The following IRAG2 variants were observed in gnomAD, a reference collection of about 807,000 sequenced individuals.
The protein encoded by IRAG2 is inositol 1,4,5-triphosphate receptor associated 2, also known as lymphoid restricted membrane protein.
In IRAG2, 45 loss-of-function variants were observed where a neutral mutation model predicts 69.9. The observed-to-expected ratio is 0.64, with a 90% CI of 0.51 to 0.83. The LOEUF is 0.83. Among genes scored for constraint, IRAG2 ranks in the 40% least tolerant of loss-of-function variants. The pLI is 0.00. For synonymous variants in IRAG2, 193 were observed against 202.4 expected (o/e 0.95, Z 0.40); for missense variants, 520 against 587.0 (o/e 0.89, Z 1.18).
exon 2 of IRAG2, chr12:25,005,336 T>C: frequency 8.2e-7 from 1 of 1,226,228 alleles, no homozygotes; most frequent in Non-Finnish European, 1.0e-6. Context: ...TTTTAATGCA[T>C]GTGACATCAA....
intron 16 of IRAG2, among the ~76,000 whole-genome samples, chr12:25,044,087 A>T (rs1944772193): frequency 6.6e-6 from 1 of 152,152 alleles, no homozygotes; most frequent in African/African-American, 2.4e-5. Context: ...ATAACTATAA[A>T]AATGTTTATG....
At position 25,068,331 on chromosome 12, in the gene IRAG2, T is replaced by C. The variant is rs147653492; in HGVS notation, c.-58-1019T>C. ...AGATGAAGAGATACATCGGAAAGGT[T>C]TGGAAATGTCTCGAGCACAGGAGGG... is the stretch of plus-strand genomic sequence containing the variant. On this transcript the variant is annotated intron_variant, in intron 5 of 21. Coordinates refer to ENST00000556887, the MANE Select transcript of IRAG2 (RefSeq NM_001366544.2). Among the ~76,000 whole-genome samples the C allele has an allele frequency of 4.3e-3, 654 of 152,276 alleles. 3 individuals are homozygous for C. Among genetic ancestry groups the C allele is most frequent in the African/African-American group, 0.015 (627 of 41,556 alleles).
At chr12:25,009,384 A>G (rs1944457122) in intron 2 of IRAG2, among the ~76,000 whole-genome samples, 1 of 152,190 alleles carries the variant, frequency 6.6e-6, no homozygotes, top group African/African-American at 2.4e-5. Context: ...ATTTGCATGT[A>G]CCCTTATTTA....
chr12:25,018,110 T>C (rs182524557), intron 6 of IRAG2, among the ~76,000 whole-genome samples: 1 of 152,260 alleles, frequency 6.6e-6, no homozygotes, highest in Middle Eastern at 3.4e-3. Context: ...ATTTGGAGTG[T>C]TTCCACTCTT....
intron 2 of IRAG2, among the ~76,000 whole-genome samples, chr12:25,005,628 T>C (rs1200739845): frequency 1.3e-5 from 2 of 152,260 alleles, no homozygotes; most frequent in African/African-American, 4.8e-5. Context: ...CTTTATTTAT[T>C]GAAACTACTT....
At chr12:25,048,212 ATGT>A (rs1944812837), upstream of IRAG2, among the ~76,000 whole-genome samples, 1 of 152,090 alleles carries the variant, frequency 6.6e-6, no homozygotes, top group South Asian at 2.1e-4. Flanking sequence ...ATGATCAGTG[ATGT>A]TGAGCTTTTT....
exon 3 of IRAG2, chr12:25,011,409 C>G: frequency 8.1e-7 from 1 of 1,231,634 alleles, no homozygotes; most frequent in South Asian, 4.1e-5. Context: ...TTTCCTGAGA[C>G]AAACAACTAG....
chr12:25,047,629 G>A (rs1036489316), upstream of IRAG2, among the ~76,000 whole-genome samples: 15 of 151,946 alleles, frequency 9.9e-5, no homozygotes, highest in Non-Finnish European at 1.6e-4. Flanking sequence ...CTGCTTGACA[G>A]GCTTCCAGTG....
chr12:25,045,632 A>G (rs1944786628), intron 16 of IRAG2, among the ~76,000 whole-genome samples: 1 of 151,976 alleles, frequency 6.6e-6, no homozygotes, highest in South Asian at 2.1e-4. Context: ...AGAAATGGAA[A>G]AATTCCCAGA....
At chr12:24,998,639 A>G in the IRAG2 span, among the ~76,000 whole-genome samples, 1 of 152,132 alleles carries the variant, frequency 6.6e-6, no homozygotes, top group African/African-American at 2.4e-5. Context: ...ATCATTAGTG[A>G]AGGGTTGTTT....
intron 9 of IRAG2, 59 bp from the exon 10 acceptor site, chr12:25,083,361 TTCC>T: frequency 9.9e-7 from 1 of 1,011,046 alleles, no homozygotes. Flanking sequence ...CTCTCACTGT[TTCC>T]TCCTCTTTTA....
chr12:25,053,322 T>G (rs1944977515), intron 1 of IRAG2, among the ~76,000 whole-genome samples: 1 of 151,880 alleles, frequency 6.6e-6, no homozygotes, highest in Admixed American at 6.6e-5. Context: ...CTGATTTTAT[T>G]AGCTAGTTTT....
chr12:25,012,119 T>C (rs150545053), intron 3 of IRAG2, among the ~76,000 whole-genome samples: 24 of 149,830 alleles, frequency 1.6e-4, no homozygotes, highest in Middle Eastern at 3.5e-3. Context: ...GAGATGTGTG[T>C]CTTCTTCCAC....
chr12:25,026,696 G>GA, intron 8 of IRAG2: 1 of 490,714 alleles, frequency 2.0e-6, no homozygotes, highest in Admixed American at 4.4e-5. Flanking sequence ...AATACTGAGA[G>GA]TGATGAAATA....
intron 7 of IRAG2, among the ~76,000 whole-genome samples, chr12:25,021,866 A>G (rs1484812626): frequency 6.6e-6 from 1 of 152,188 alleles, no homozygotes; most frequent in Non-Finnish European, 1.5e-5. Flanking sequence ...GTAGTAAAAT[A>G]TGGGGACTAG....
intron 1 of IRAG2, among the ~76,000 whole-genome samples, chr12:25,054,086 A>C (rs1945060037): frequency 6.6e-6 from 1 of 152,156 alleles, no homozygotes; most frequent in African/African-American, 2.4e-5. Flanking sequence ...ACAAACAAAT[A>C]AATAAATAAA....
intron 8 of IRAG2, among the ~76,000 whole-genome samples, chr12:25,025,491 T>C (rs1490684038): frequency 6.6e-6 from 1 of 152,050 alleles, no homozygotes; most frequent in East Asian, 1.9e-4. Context: ...TCCTAAGGAC[T>C]CTGTCTTTTT....
chr12:25,005,148 A>G (rs1944421215), intron 1 of IRAG2: 1 of 576,470 alleles, frequency 1.7e-6, no homozygotes, highest in East Asian at 3.5e-5. Flanking sequence ...GTTTATTATG[A>G]TAGGTTTTCT....
chr12:25,005,453 C>A, intron 2 of IRAG2: 1 of 477,002 alleles, frequency 2.1e-6, no homozygotes, highest in South Asian at 1.1e-4. Flanking sequence ...GTGTGGGTCT[C>A]ATTGTCTGCG....
Sources: allele counts gnomAD v4.1 joint callset (sites outside exome capture counted in the v4.1 genomes callset), GRCh38; gene constraint gnomAD v4.1.1; transcripts MANE v1.5; gene names NCBI Gene and HGNC (gene_info 2026-07-23, HGNC 2026-07-21).